ZNF407: variants seen among roughly 807,000 people sequenced by gnomAD.
ZNF407 encodes the protein zinc finger protein 407.
ZNF407 carries 17 observed loss-of-function variants against 131.2 expected under a neutral mutation model. That is an observed-to-expected ratio of 0.13 (90% CI 0.09 to 0.19). The LOEUF is 0.19. ZNF407 is among the 10% of genes least tolerant of loss of function. The pLI is 1.00. For synonymous variants in ZNF407, 1,156 were observed against 1,062.0 expected (o/e 1.09, Z -1.72); for missense variants, 2,681 against 2,830.6 (o/e 0.95, Z 1.20).
intron 8 of ZNF407, among the ~76,000 whole-genome samples, chr18:74,946,468 A>C (rs1972154831): frequency 6.6e-6 from 1 of 152,216 alleles, no homozygotes; most frequent in Admixed American, 6.5e-5. Flanking sequence ...CCCTTTTAAA[A>C]TGTACTTTAT....
chr18:74,852,217 G>T (rs947370651), intron 4 of ZNF407, among the ~76,000 whole-genome samples: 1 of 151,812 alleles, frequency 6.6e-6, no homozygotes, highest in Non-Finnish European at 1.5e-5. Context: ...GCACGCGCAC[G>T]CGCGCGCGCA....
chr18:75,024,029 A>G (rs1316392070), intron 8 of ZNF407, among the ~76,000 whole-genome samples: 1 of 152,196 alleles, frequency 6.6e-6, no homozygotes, highest in Admixed American at 6.5e-5. Flanking sequence ...AGAAGGAAAA[A>G]GGAGAGCATG....
chr18:74,786,831 G>A (rs1364216431), intron 4 of ZNF407, among the ~76,000 whole-genome samples: 1 of 65,296 alleles, frequency 1.5e-5, no homozygotes, highest in Non-Finnish European at 2.8e-5. Flanking sequence ...TGGAGATGGA[G>A]TTTCTCTCTT....
At chr18:74,823,667 G>A (rs976008040) in intron 4 of ZNF407, among the ~76,000 whole-genome samples, 8 of 152,046 alleles carry the variant, frequency 5.3e-5, no homozygotes, top group African/African-American at 1.2e-4. Context: ...GCTAACTATC[G>A]TAAATATGTA....
intron 3 of ZNF407, among the ~76,000 whole-genome samples, chr18:74,731,780 G>C (rs1968300171): frequency 1.3e-5 from 2 of 152,190 alleles, no homozygotes; most frequent in South Asian, 4.1e-4. Flanking sequence ...CCCTGGGGTG[G>C]GGAGGTGAGT....
intron 8 of ZNF407, among the ~76,000 whole-genome samples, chr18:75,014,163 A>G (rs1973016348): frequency 6.6e-6 from 1 of 152,086 alleles, no homozygotes; most frequent in Non-Finnish European, 1.5e-5. Context: ...TATCTACTCA[A>G]TATTTTAAAG....
At position 74,822,033 on chromosome 18, in the gene ZNF407, C is replaced by CT. The variant is rs369590916; in HGVS notation, c.4877+40539dup. Reference sequence around the variant, plus strand: ...TTCTCTAATGACCAGTGAGGATGAGCTTTTTTTTCATATGTTTGTTGGCTG... The same window carrying CT: ...TTCTCTAATGACCAGTGAGGATGAGCTTTTTTTTTCATATGTTTGTTGGCTG... On this transcript the variant is annotated intron_variant, in intron 4 of 8. Transcript: ENST00000299687. Among the ~76,000 whole-genome samples the CT allele has an allele frequency of 8.2e-3, 1,242 of 152,066 alleles. 14 individuals are homozygous for CT. Among genetic ancestry groups the CT allele is most frequent in the African/African-American group, 0.028 (1,157 of 41,450 alleles).
intron 4 of ZNF407, among the ~76,000 whole-genome samples, chr18:74,874,083 C>T (rs1971123122): frequency 6.6e-6 from 1 of 152,016 alleles, no homozygotes; most frequent in Non-Finnish European, 1.5e-5. Context: ...CACTGTTTGG[C>T]GTTTTGAACT....
chr18:74,674,665 G>GTGTAAGCA (rs1430325176), intron 3 of ZNF407, among the ~76,000 whole-genome samples: 10 of 152,052 alleles, frequency 6.6e-5, no homozygotes, highest in Non-Finnish European at 1.3e-4. Context: ...CTTGGCTCTG[G>GTGTAAGCA]GATCCATCCC....
rs751459409 is a variant in ZNF407, at chr18:74,633,125, G to C, written c.2106G>C (p.Lys702Asn). 1 of 1,613,288 alleles carries C rather than the reference G, an allele frequency of 6.2e-7. No individual in the cohort carries two copies. The highest frequency in any genetic ancestry group is 8.5e-7 in the Non-Finnish European group (1 of 1,179,750). ...GTAATGAAGTGAGGCATTCCAGTAAGCCTCAGTTTCAGTGTAAGAAGTGTT... is the reference window on the plus strand; with the variant it reads ...GTAATGAAGTGAGGCATTCCAGTAACCCTCAGTTTCAGTGTAAGAAGTGTT... ...SHGNEVRHSS[K>N]PQFQCKKCFY... The change falls in exon 2 of 9, where the codon AAG (lysine) becomes AAC (asparagine). Residue 702 changes from lysine to asparagine, a missense_variant. This residue lies in a region of ZNF407 where 1,789 missense variants were observed against 1,748.7 expected (regional missense o/e 1.02). Coordinates refer to ENST00000299687, the MANE Select transcript of ZNF407 (RefSeq NM_017757.3).
chr18:75,012,681 G>T (rs957786569), intron 8 of ZNF407, among the ~76,000 whole-genome samples: 19 of 33,076 alleles, frequency 5.7e-4, no homozygotes, highest in African/African-American at 1.1e-3. Context: ...CTCTGCTGTG[G>T]AACTTTCTTT....
rs776401686 is a variant in ZNF407 at position 74,635,106 on chromosome 18, A to T, written c.4087A>T (p.Ile1363Leu). Residue 1363 changes from isoleucine to leucine, a missense_variant, in exon 2 of 9, where the codon ATA (isoleucine) becomes TTA (leucine). Ile to Leu is a conservative substitution (Grantham distance 5). Coordinates refer to ENST00000299687, the MANE Select transcript of ZNF407 (RefSeq NM_017757.3). The surrounding 1 kb of genome is among the most constrained non-coding windows in gnomAD (Gnocchi z 4.7). Reference sequence around the variant, plus strand: ...TCGATTTGACTCCTCCATAATAAGAATAAAGAACCCTGAAGATGGTGAGTT... The same window carrying T: ...TCGATTTGACTCCTCCATAATAAGATTAAAGAACCCTGAAGATGGTGAGTT... The part of the protein sequence containing the change: ...FGRFDSSIIR[I>L]KNPEDGELID... The T allele has an allele frequency of 6.2e-7, 1 of 1,613,832 alleles. No individual in the cohort carries two copies. Among genetic ancestry groups the T allele is most frequent in the Non-Finnish European group, 8.5e-7 (1 of 1,179,882 alleles).
chr18:74,676,459 C>G (rs113520485), intron 3 of ZNF407, among the ~76,000 whole-genome samples: 1 of 124,842 alleles, frequency 8.0e-6, no homozygotes, highest in African/African-American at 3.1e-5. Context: ...TTTTTTGAGA[C>G]GGAGTCTCGC....
Position 74,632,691 on chromosome 18 carries a change from T to C in ZNF407, c.1672T>C (p.Tyr558His), listed in dbSNP as rs1331446089. The C allele has an allele frequency of 5.6e-6, 9 of 1,614,080 alleles. No individual in the cohort carries two copies. The highest frequency in any genetic ancestry group is 6.8e-6 in the Non-Finnish European group (8 of 1,179,900). ...KRCHAREMKF[Y>H]CRTCDFSSMS... The stretch of plus-strand genomic sequence containing the variant: ...GTGCCATGCCAGAGAGATGAAATTT[T>C]ACTGCCGTACTTGTGACTTCTCTAG... Residue 558 changes from tyrosine (Y) to histidine (H), a missense_variant, in exon 2 of 9, where the codon TAC becomes CAC. Coordinates refer to ENST00000299687, the MANE Select transcript of ZNF407 (RefSeq NM_017757.3).
intron 3 of ZNF407, among the ~76,000 whole-genome samples, chr18:74,754,342 AT>A (rs1352016050): frequency 6.6e-6 from 1 of 151,774 alleles, no homozygotes; most frequent in African/African-American, 2.4e-5. Context: ...TGTGTCTCTT[AT>A]TTCCTTCAGT....
chr18:74,652,912 A>G (rs1191616606), intron 3 of ZNF407, among the ~76,000 whole-genome samples: 1 of 152,062 alleles, frequency 6.6e-6, no homozygotes, highest in Non-Finnish European at 1.5e-5. Flanking sequence ...CAAATCAGTC[A>G]TATAAGCTAT....
chr18:74,855,645 T>C (rs2145152474), intron 4 of ZNF407, among the ~76,000 whole-genome samples: 1 of 152,360 alleles, frequency 6.6e-6, no homozygotes, highest in East Asian at 1.9e-4. Context: ...ATCTTGGGGT[T>C]GTACATTTCC....
chr18:74,599,326 A>G (rs1205846961), intron 1 of ZNF407, among the ~76,000 whole-genome samples: 2 of 152,084 alleles, frequency 1.3e-5, no homozygotes, highest in African/African-American at 4.8e-5. Context: ...TTTAAACTTT[A>G]TTTCGGAATA....
intron 7 of ZNF407, among the ~76,000 whole-genome samples, chr18:74,904,763 G>A (rs1401103851): frequency 1.3e-5 from 2 of 152,186 alleles, no homozygotes; most frequent in Non-Finnish European, 1.5e-5. Context: ...AAAGCATGGG[G>A]AGTTATTCAC....
Sources: gnomAD v4.1 joint callset for allele counts (sites outside exome capture counted in the v4.1 genomes callset) on GRCh38, gnomAD v4.1.1 for gene constraint, gnomAD v4.1.1 regional missense constraint, Gnocchi (gnomAD v3.1) non-coding constraint, MANE v1.5 for transcripts, NCBI Gene and HGNC (gene_info 2026-07-23, HGNC 2026-07-21) for gene names.